Variants in EPHA5 observed in about 807,000 individuals in gnomAD.
The protein encoded by EPHA5 is EPH receptor A5.
In EPHA5, 60 loss-of-function variants were observed where a neutral mutation model predicts 105.0. That is an observed-to-expected ratio of 0.57 (90% CI 0.46 to 0.71). The LOEUF (loss-of-function observed/expected upper bound fraction) is 0.71. Among genes scored for constraint, EPHA5 ranks in the 30% least tolerant of loss-of-function variants. EPHA5 has a pLI of 0.00. For synonymous variants in EPHA5, 513 were observed against 449.1 expected, an observed-to-expected ratio of 1.14 and a Z score of -1.80; for missense variants, 1,218 against 1,274.7, an observed-to-expected ratio of 0.96 and a Z score of 0.68.
chr4:65,669,330 T>G, intron 1 of EPHA5: 1 of 929,366 alleles, frequency 1.1e-6, no homozygotes, highest in Non-Finnish European at 1.3e-6. Flanking sequence ...AACCAGCCTC[T>G]GTCCACACGC....
chr4:65,454,194 C>A (rs192932516), intron 5 of EPHA5, among the ~76,000 whole-genome samples: 1 of 152,078 alleles, frequency 6.6e-6, no homozygotes, highest in East Asian at 1.9e-4. Context: ...GCAGAAGAAT[C>A]GCTTGAACTC....
intron 3 of EPHA5, among the ~76,000 whole-genome samples, chr4:65,521,585 C>G (rs1439951032): frequency 6.6e-6 from 1 of 151,850 alleles, no homozygotes; most frequent in East Asian, 1.9e-4. Flanking sequence ...TTAGATCCTA[C>G]TATGCTTTTT....
chr4:65,562,464 T>C (rs1739111421), intron 3 of EPHA5, among the ~76,000 whole-genome samples: 1 of 152,044 alleles, frequency 6.6e-6, no homozygotes, highest in South Asian at 2.1e-4. Flanking sequence ...ATTTGGCTCT[T>C]CTTGAAACTA....
chr4:65,322,851 T>G lies in EPHA5; in HGVS notation c.*1263A>C. On this transcript the variant is annotated 3_prime_UTR_variant, in exon 17 of 17. Coordinates refer to ENST00000613740, the MANE Select transcript of EPHA5 (RefSeq NM_001281766.3). Reference sequence around the variant, plus strand: ...ATTTGTGTGTGTGTATGTGTATATATATATATTTGTCATAATTCCATTGCT... The same window carrying G: ...ATTTGTGTGTGTGTATGTGTATATAGATATATTTGTCATAATTCCATTGCT... 4.4e-6 allele frequency: 1 copy of G among 229,064 alleles called. No homozygotes were observed. Among genetic ancestry groups the G allele is most frequent in the Non-Finnish European group, 8.7e-6 (1 of 115,426 alleles). The allele number at this position is 229,064 out of a possible 1,614,324, so 14.2% of individuals were successfully genotyped here.
chr4:65,413,595 C>A (rs1220556589), intron 7 of EPHA5, among the ~76,000 whole-genome samples: 2 of 152,152 alleles, frequency 1.3e-5, no homozygotes, highest in African/African-American at 2.4e-5. Flanking sequence ...CACACAGACA[C>A]ACATATATAC....
At chr4:65,651,584 AGCTTAATATTAT>A (rs899399743) in intron 1 of EPHA5, among the ~76,000 whole-genome samples, 5 of 152,138 alleles carry the variant, frequency 3.3e-5, no homozygotes, top group Non-Finnish European at 5.9e-5. Context: ...TTTTTCCTTT[AGCTTAATATTAT>A]GCTTAATTGT....
At chr4:65,468,925 A>C (rs1294116934) in intron 5 of EPHA5, among the ~76,000 whole-genome samples, 1 of 151,888 alleles carries the variant, frequency 6.6e-6, no homozygotes, top group African/African-American at 2.4e-5. Flanking sequence ...TTGACTCTAC[A>C]TCTGGGGCCC....
chr4:65,587,951 C>T (rs1181362248), intron 3 of EPHA5, among the ~76,000 whole-genome samples: 4 of 152,112 alleles, frequency 2.6e-5, no homozygotes, highest in African/African-American at 7.2e-5. Flanking sequence ...CACAGGTGAT[C>T]TAAGTCAAGG....
At chr4:65,471,285 C>T (rs958014797) in intron 5 of EPHA5, among the ~76,000 whole-genome samples, 3 of 152,118 alleles carry the variant, frequency 2.0e-5, no homozygotes, top group Non-Finnish European at 4.4e-5. Flanking sequence ...GATACCAATG[C>T]CAACATCATA....
At chr4:65,468,314 C>A (rs924223482) in intron 5 of EPHA5, among the ~76,000 whole-genome samples, 1 of 151,240 alleles carries the variant, frequency 6.6e-6, no homozygotes, top group East Asian at 2.0e-4. Flanking sequence ...TATCACATAG[C>A]CAAGCATGCT....
intron 7 of EPHA5, among the ~76,000 whole-genome samples, chr4:65,405,484 C>A (rs924838655): frequency 9.2e-5 from 14 of 152,012 alleles, no homozygotes; most frequent in Admixed American, 5.9e-4. Context: ...TGTTGGTCTA[C>A]CAAGAGATTT....
intron 8 of EPHA5, among the ~76,000 whole-genome samples, chr4:65,381,109 A>T (rs768890301): frequency 6.6e-6 from 1 of 150,706 alleles, no homozygotes; most frequent in African/African-American, 2.5e-5. Flanking sequence ...TTTTTAAGTG[A>T]TATTACTATA....
chr4:65,593,829 C>T (rs1742915403), intron 3 of EPHA5, among the ~76,000 whole-genome samples: 1 of 152,208 alleles, frequency 6.6e-6, no homozygotes, highest in Non-Finnish European at 1.5e-5. Context: ...CCTCCTGATG[C>T]TTTCAGAGAT....
intron 3 of EPHA5, among the ~76,000 whole-genome samples, chr4:65,541,003 C>T (rs1017970441): frequency 3.3e-5 from 5 of 151,178 alleles, no homozygotes; most frequent in African/African-American, 1.2e-4. Context: ...GATGAAAATA[C>T]AACCATAATA....
intron 2 of EPHA5, among the ~76,000 whole-genome samples, chr4:65,638,466 G>C (rs975335596): frequency 6.6e-6 from 1 of 152,046 alleles, no homozygotes; most frequent in South Asian, 2.1e-4. Flanking sequence ...GACTGGGCAC[G>C]GTGGCTCATG....
chr4:65,547,298 GAA>G (rs71657184), intron 3 of EPHA5, among the ~76,000 whole-genome samples: 1 of 139,452 alleles, frequency 7.2e-6, no homozygotes, highest in Admixed American at 7.2e-5. Context: ...AAGCCAAGTG[GAA>G]AAAAAAAAAA....
intron 2 of EPHA5, among the ~76,000 whole-genome samples, chr4:65,626,688 A>G (rs1291902925): frequency 6.6e-6 from 1 of 152,208 alleles, no homozygotes; most frequent in African/African-American, 2.4e-5. Context: ...TATGTGGACG[A>G]TCTACATGCT....
intron 3 of EPHA5, among the ~76,000 whole-genome samples, chr4:65,549,575 G>A (rs1469714769): frequency 6.6e-6 from 1 of 151,970 alleles, no homozygotes; most frequent in Non-Finnish European, 1.5e-5. Context: ...GAGGGTTAAA[G>A]TAACAAATAA....
At chr4:65,353,213 A>G (rs565494333) in intron 11 of EPHA5, 110 bp from the exon 12 acceptor site, 141 of 204,636 alleles carry the variant, frequency 6.9e-4, no homozygotes, top group Non-Finnish European at 1.1e-3. Context: ...ATATATATAT[A>G]TATTTAAAAT....
Sources: allele counts gnomAD v4.1 joint callset (sites outside exome capture counted in the v4.1 genomes callset), GRCh38; gene constraint gnomAD v4.1.1; transcripts MANE v1.5; gene names NCBI Gene and HGNC (gene_info 2026-07-23, HGNC 2026-07-21).